The following ANKRD55 variants were observed in gnomAD, a reference collection of about 807,000 sequenced individuals.
ANKRD55 encodes ankyrin repeat domain 55.
ANKRD55 carries 41 observed loss-of-function variants against 60.6 expected under a neutral mutation model. The ratio of observed to expected loss-of-function variants is 0.68; its 90% CI spans 0.53 to 0.88. The LOEUF (loss-of-function observed/expected upper bound fraction) is 0.88, where lower values mean the gene tolerates loss of function less well. Among genes scored for constraint, ANKRD55 ranks in the 40% least tolerant of loss-of-function variants. The pLI, the probability that ANKRD55 is intolerant of heterozygous loss-of-function variation, is 0.00. For synonymous variants in ANKRD55, 264 were observed against 290.3 expected (o/e 0.91, Z 0.92); for missense variants, 732 against 767.6 (o/e 0.95, Z 0.55).
chr5:56,205,880 G>T (rs1759492766), intron 2 of ANKRD55, among the ~76,000 whole-genome samples: 1 of 152,010 alleles, frequency 6.6e-6, no homozygotes, highest in African/African-American at 2.4e-5. Context: ...CCCTGTAGTG[G>T]CTGCATTCTG....
intron 2 of ANKRD55, among the ~76,000 whole-genome samples, chr5:56,211,360 G>C (rs191065952): frequency 6.6e-6 from 1 of 152,286 alleles, no homozygotes; most frequent in Admixed American, 6.5e-5. Flanking sequence ...CTCACTGTAT[G>C]CCCAGCACTG....
intron 6 of ANKRD55, among the ~76,000 whole-genome samples, chr5:56,147,342 G>A (rs1757922689): frequency 6.6e-6 from 1 of 152,158 alleles, no homozygotes. Context: ...TTTTGGGAAT[G>A]AGCTCAGATG....
intron 8 of ANKRD55, among the ~76,000 whole-genome samples, chr5:56,121,364 T>C (rs1757047902): frequency 6.9e-6 from 1 of 145,220 alleles, no homozygotes; most frequent in Non-Finnish European, 1.5e-5. Context: ...ATATAGTAAG[T>C]GTTCCACCAC....
chr5:56,142,458 G>A (rs570278800), intron 7 of ANKRD55, among the ~76,000 whole-genome samples: 2 of 151,928 alleles, frequency 1.3e-5, no homozygotes, highest in Non-Finnish European at 2.9e-5. Flanking sequence ...GCAAGGCCAG[G>A]TCTAAGACAG....
chr5:56,171,730 C>T (rs1181944798), intron 4 of ANKRD55, among the ~76,000 whole-genome samples: 2 of 152,198 alleles, frequency 1.3e-5, no homozygotes. Context: ...AGGCTTCCCA[C>T]CTTCCTACAT....
chr5:56,124,844 G>A (rs976764009), intron 8 of ANKRD55, among the ~76,000 whole-genome samples: 22 of 152,174 alleles, frequency 1.4e-4, no homozygotes, highest in African/African-American at 5.3e-4. Flanking sequence ...TATAGCTTCA[G>A]CATGAAGGCA....
chr5:56,213,667 C>A (rs982614767), intron 2 of ANKRD55, among the ~76,000 whole-genome samples: 2 of 152,158 alleles, frequency 1.3e-5, no homozygotes, highest in African/African-American at 2.4e-5. Context: ...ACTAGCATGG[C>A]AGATGGAAGT....
At chr5:56,154,787 C>T (rs1197813623) in intron 6 of ANKRD55, among the ~76,000 whole-genome samples, 1 of 152,020 alleles carries the variant, frequency 6.6e-6, no homozygotes, top group African/African-American at 2.4e-5. Context: ...CGGGGTTTGG[C>T]CATGTTGGCC....
chr5:56,101,552 C>T (rs2111649977), intron 11 of ANKRD55, among the ~76,000 whole-genome samples: 1 of 152,146 alleles, frequency 6.6e-6, no homozygotes, highest in Non-Finnish European at 1.5e-5. Context: ...AATAATAAAA[C>T]TTGCTTTATT....
At chr5:56,104,295 G>A (rs563238436) in intron 10 of ANKRD55, among the ~76,000 whole-genome samples, 3 of 152,172 alleles carry the variant, frequency 2.0e-5, no homozygotes, top group Admixed American at 2.0e-4. Flanking sequence ...CTTGTGACTT[G>A]GAGGAGTTCT....
chr5:56,176,207 T>C lies in ANKRD55; in HGVS notation c.257A>G (p.Asn86Ser), dbSNP rs769072256. The C allele has an allele frequency of 7.4e-6, 12 of 1,614,128 alleles. No homozygotes were observed. Among genetic ancestry groups the C allele is most frequent in the African/African-American group, 1.3e-5 (1 of 74,948 alleles). Reference sequence around the variant, plus strand: ...GCCATAAGCATCCTGCATGTTAATATTGGCTCCCATCTTCAACAGCAGCTT... The same window carrying C: ...GCCATAAGCATCCTGCATGTTAATACTGGCTCCCATCTTCAACAGCAGCTT... The part of the protein sequence containing the change: ...TVKLLLKMGA[N>S]INMQDAYGRT... The change falls in exon 4 of 12, where the codon AAT (asparagine) becomes AGT (serine). Residue 86 changes from asparagine to serine, a missense_variant. Transcript: ENST00000341048.
At chr5:56,211,192 G>C (rs1214356789) in intron 2 of ANKRD55, among the ~76,000 whole-genome samples, 1 of 152,194 alleles carries the variant, frequency 6.6e-6, no homozygotes, top group Non-Finnish European at 1.5e-5. Flanking sequence ...AGTTAGTGAA[G>C]ACTGCTACAC....
At chr5:56,210,047 G>A (rs564019128) in intron 2 of ANKRD55, among the ~76,000 whole-genome samples, 2 of 151,788 alleles carry the variant, frequency 1.3e-5, no homozygotes, top group African/African-American at 4.8e-5. Context: ...TCGTTCTGTC[G>A]CCCAGGCTGG....
intron 7 of ANKRD55, among the ~76,000 whole-genome samples, chr5:56,135,301 TTC>T (rs1580969463): frequency 1.5e-4 from 1 of 6,852 alleles, no homozygotes; most frequent in South Asian, 4.3e-3. Flanking sequence ...CTTGCTTTCT[TTC>T]TTTCTTTCTT....
chr5:56,219,947 C>A (rs903130704), intron 2 of ANKRD55, among the ~76,000 whole-genome samples: 5 of 152,208 alleles, frequency 3.3e-5, no homozygotes, highest in Non-Finnish European at 7.3e-5. Flanking sequence ...AGGTACCCAG[C>A]ACAATTACTT....
rs1480231176 is a variant in ANKRD55 at position 56,111,436 on chromosome 5, G to A, written c.1312C>T (p.Pro438Ser). The A allele has an allele frequency of 6.2e-7, 1 of 1,614,132 alleles. No homozygotes were observed. The highest frequency in any genetic ancestry group is 1.7e-5 in the Admixed American group (1 of 59,996). Residue 438 changes from proline (P) to serine (S), a missense_variant, in exon 10 of 12, where the codon CCA becomes TCA. Physicochemically the swap from Pro to Ser is moderately conservative, Grantham distance 74. Coordinates refer to ENST00000341048, the MANE Select transcript of ANKRD55 (RefSeq NM_024669.3). Reference protein sequence around the residue: ...GLPPIRTQSLPPITLGNNFLT... With the variant: ...GLPPIRTQSLSPITLGNNFLT... ...AAGTTATTGCCCAGGGTGATGGGTG[G>A]GAGACTCTGCGTTCTGATTGGTGGA...
intron 2 of ANKRD55, among the ~76,000 whole-genome samples, chr5:56,220,235 T>C (rs576328630): frequency 6.6e-6 from 1 of 152,350 alleles, no homozygotes; most frequent in South Asian, 2.1e-4. Flanking sequence ...AGAATACTGA[T>C]GGCTGTGAAG....
intron 7 of ANKRD55, among the ~76,000 whole-genome samples, chr5:56,132,439 A>AAAAAAAAAAAAAAAAAAAAAAAAAG (rs1757446852): frequency 6.6e-6 from 1 of 150,682 alleles, no homozygotes; most frequent in African/African-American, 2.5e-5. Flanking sequence ...AAAAAAAAAA[A>AAAAAAAAAAAAAAAAAAAAAAAAAG]AATTAGCTGG....
intron 3 of ANKRD55, among the ~76,000 whole-genome samples, chr5:56,178,220 T>C (rs369167715): frequency 6.6e-6 from 1 of 151,546 alleles, no homozygotes; most frequent in East Asian, 1.9e-4. Flanking sequence ...GACGGCATCT[T>C]GCTCTGTTGC....
Sources: gnomAD v4.1 joint callset for allele counts (sites outside exome capture counted in the v4.1 genomes callset) on GRCh38, gnomAD v4.1.1 for gene constraint, MANE v1.5 for transcripts, NCBI Gene and HGNC (gene_info 2026-07-23, HGNC 2026-07-21) for gene names.